Variants in STAT4 observed in about 807,000 individuals in gnomAD.
The protein encoded by STAT4 is signal transducer and activator of transcription 4.
STAT4 carries 42 observed loss-of-function variants against 110.5 expected under a neutral mutation model. That is an observed-to-expected ratio of 0.38 (90% confidence interval 0.30 to 0.49). STAT4 has a LOEUF of 0.49. Ranked by LOEUF, STAT4 falls within the 20% of genes least tolerant of loss-of-function variation. The probability of loss-of-function intolerance (pLI) is 0.95; values close to 1 mark genes in which losing one functional copy is unlikely to be tolerated. For missense variants in STAT4, 632 were observed against 887.9 expected, an observed-to-expected ratio of 0.71 and a Z score of 3.66; for synonymous variants, 284 against 302.2, an observed-to-expected ratio of 0.94 and a Z score of 0.63.
chr2:191,149,474 G>C (rs1229877085), intron 1 of STAT4, among the ~76,000 whole-genome samples: 4 of 152,140 alleles, frequency 2.6e-5, no homozygotes, highest in Non-Finnish European at 5.9e-5. Context: ...TAGGCATATT[G>C]TAAATGCTCA....
intron 1 of STAT4, among the ~76,000 whole-genome samples, chr2:191,148,455 C>T (rs955759366): frequency 3.3e-5 from 5 of 152,144 alleles, no homozygotes; most frequent in African/African-American, 4.8e-5. Flanking sequence ...AAAGTTTTCA[C>T]TCCCACTCTG....
chr2:191,088,088 T>G (rs1697685836), intron 3 of STAT4, among the ~76,000 whole-genome samples: 1 of 152,114 alleles, frequency 6.6e-6, no homozygotes, highest in South Asian at 2.1e-4. Context: ...TAGGGAAGGA[T>G]GTAATAAAAT....
Position 191,031,066 on chromosome 2 carries a change from G to T in STAT4, c.2126C>A (p.Thr709Lys), listed in dbSNP as rs746885035. 1 of 1,613,944 alleles carries T rather than the reference G, an allele frequency of 6.2e-7. No individual in the cohort carries two copies. Among genetic ancestry groups the T allele is most frequent in the East Asian group, 2.2e-5 (1 of 44,880 alleles). ...IPISTIRSDS[T>K]EPHSPSDLLP... ...AAGGTCTGATGGAGAATGTGGCTCT[G>T]TTGAATCACTTCGGCTTAAAGAGAT... Residue 709 changes from threonine to lysine, a missense_variant, in exon 23 of 24, where the codon ACA (threonine) becomes AAA (lysine). Transcript: ENST00000392320. This position sits in a 1 kb window ranked among gnomAD's most constrained non-coding sequence, Gnocchi z 4.8.
chr2:191,129,535 CAAG>C (rs1158180431), intron 3 of STAT4, among the ~76,000 whole-genome samples: 1 of 152,064 alleles, frequency 6.6e-6, no homozygotes, highest in Admixed American at 6.5e-5. Flanking sequence ...GCAAAAACTC[CAAG>C]AAGATTAGGA....
rs1018563986 is a variant in STAT4 at position 191,083,165 on chromosome 2, A to T, written c.274-6840T>A. Among the ~76,000 whole-genome samples the T allele has an allele frequency of 1.3e-5, 2 of 152,224 alleles. No individual in the cohort carries two copies. The highest frequency in any genetic ancestry group is 1.3e-4 in the Admixed American group (2 of 15,274). On this transcript the variant is annotated intron_variant, in intron 3 of 23. Transcript: ENST00000392320. The surrounding 1 kb of genome is among the most constrained non-coding windows in gnomAD (Gnocchi z 4.6). ...AAACTGACCTTGAGACAAGGATTCC[A>T]GTGCAAGTCGTTTAAGTGGGAGTTG...
chr2:191,103,204 C>G (rs971556818), intron 3 of STAT4, among the ~76,000 whole-genome samples: 6 of 152,096 alleles, frequency 3.9e-5, no homozygotes, highest in African/African-American at 1.2e-4. Context: ...GCTATGTTTG[C>G]CAGTCTCTTG....
intron 6 of STAT4, among the ~76,000 whole-genome samples, chr2:191,067,716 G>A (rs1306050626): frequency 6.6e-6 from 1 of 152,050 alleles, no homozygotes; most frequent in Non-Finnish European, 1.5e-5. Context: ...TAATTTGCAT[G>A]CCTTTTTCTC....
At chr2:191,055,178 T>C (rs1696645842) in intron 13 of STAT4, among the ~76,000 whole-genome samples, 1 of 151,912 alleles carries the variant, frequency 6.6e-6, no homozygotes, top group African/African-American at 2.4e-5. Flanking sequence ...GAATTATAGG[T>C]GACAATTTTT....
At chr2:191,103,379 T>C (rs1466578298) in intron 3 of STAT4, among the ~76,000 whole-genome samples, 1 of 152,166 alleles carries the variant, frequency 6.6e-6, no homozygotes, top group African/African-American at 2.4e-5. Flanking sequence ...TTTAATGCTG[T>C]GTGTGTTTGC....
At chr2:191,064,318 C>T (rs530198530) in intron 8 of STAT4, among the ~76,000 whole-genome samples, 14 of 152,260 alleles carry the variant, frequency 9.2e-5, no homozygotes, top group Admixed American at 4.6e-4. Flanking sequence ...TTCAAGTATA[C>T]AATAAATTGT....
chr2:191,062,649 T>G lies in STAT4; in HGVS notation c.941+113A>C. On this transcript the variant is annotated intron_variant, in intron 9 of 23. Transcript: ENST00000392320. The surrounding 1 kb of genome is among the most constrained non-coding windows in gnomAD (Gnocchi z 4.9). ...TTCTGGGGTTCTATTCACTTCTCCC[T>G]GAGGCTCGTTGTTGAATACTTCCCT... 9 of 1,169,582 alleles carry G rather than the reference T, an allele frequency of 7.7e-6. No individual in the cohort carries two copies. Among genetic ancestry groups the G allele is most frequent in the South Asian group, 1.4e-5 (1 of 71,910 alleles). The allele number at this position is 1,169,582 out of a possible 1,614,324, so 72.5% of individuals were successfully genotyped here.
chr2:191,035,247 T>A lies in STAT4; in HGVS notation c.1571-650A>T, dbSNP rs911755399. ...TAAAAGCTTTAGTCACTCTAACAAATGTTTATTGAATGCTATTGCTGCTTA... is the reference window on the plus strand; with the variant it reads ...TAAAAGCTTTAGTCACTCTAACAAAAGTTTATTGAATGCTATTGCTGCTTA... On this transcript the variant is annotated intron_variant, in intron 17 of 23. Coordinates refer to ENST00000392320, the MANE Select transcript of STAT4 (RefSeq NM_003151.4). The surrounding 1 kb of genome is among the most constrained non-coding windows in gnomAD (Gnocchi z 4.7). 2.0e-5 allele frequency among the ~76,000 whole-genome samples: 3 copies of A among 152,246 alleles called. No individual in the cohort carries two copies. The highest frequency in any genetic ancestry group is 4.4e-5 in the Non-Finnish European group (3 of 68,042).
Position 191,059,054 on chromosome 2 carries a change from G to GA in STAT4, c.1035-286dup, listed in dbSNP as rs373921127. 6.4e-3 allele frequency among the ~76,000 whole-genome samples: 933 copies of GA among 146,448 alleles called. 10 individuals carry two copies. Among genetic ancestry groups the GA allele is most frequent in the African/African-American group, 0.021 (857 of 40,050 alleles). ...GCTGGATAATACGTTGGCCAGGTCA[G>GA]AAAAAAAAAAGCTATATATTTTGGC... On this transcript the variant is annotated intron_variant, in intron 10 of 23. Transcript: ENST00000392320. This position sits in a 1 kb window ranked among gnomAD's most constrained non-coding sequence, Gnocchi z 4.7.
At chr2:191,129,031 A>G (rs943557361) in intron 3 of STAT4, among the ~76,000 whole-genome samples, 1 of 152,176 alleles carries the variant, frequency 6.6e-6, no homozygotes, top group African/African-American at 2.4e-5. Context: ...TGTGAGCTTC[A>G]TGACTTCCTC....
At chr2:191,071,395 T>G (rs187542513) in intron 5 of STAT4, among the ~76,000 whole-genome samples, 1 of 152,190 alleles carries the variant, frequency 6.6e-6, no homozygotes, top group Non-Finnish European at 1.5e-5. Flanking sequence ...GGAACCTACA[T>G]GCATGAGAAA....
intron 13 of STAT4, among the ~76,000 whole-genome samples, chr2:191,055,773 T>G (rs898732647): frequency 1.3e-5 from 2 of 152,254 alleles, no homozygotes; most frequent in Non-Finnish European, 2.9e-5. Context: ...TTTTGTTATT[T>G]TATATATTGT....
chr2:191,116,982 T>G lies in STAT4; in HGVS notation c.273+29631A>C, dbSNP rs1007115384. On this transcript the variant is annotated intron_variant, in intron 3 of 23. Transcript: ENST00000392320. This position sits in a 1 kb window ranked among gnomAD's most constrained non-coding sequence, Gnocchi z 4.1. ...AATATACGTGAGATCTCCATGTGAT[T>G]CTTTTTGCATTACTTTGAGCAGAGT... 7.9e-5 allele frequency among the ~76,000 whole-genome samples: 12 copies of G among 152,214 alleles called. No individual in the cohort carries two copies. Among genetic ancestry groups the G allele is most frequent in the African/African-American group, 2.7e-4 (11 of 41,448 alleles).
chr2:191,034,198 A>G (rs1182922250), intron 18 of STAT4, among the ~76,000 whole-genome samples, 193 bp from the exon 19 acceptor site: 6 of 152,230 alleles, frequency 3.9e-5, no homozygotes, highest in Middle Eastern at 6.8e-3. Flanking sequence ...CAAGGCGGGC[A>G]GATTATGAGG....
Position 191,058,634 on chromosome 2 carries a change from C to A in STAT4, c.1094+76G>T, listed in dbSNP as rs1279824463. 5.9e-6 allele frequency: 5 copies of A among 851,726 alleles called. No homozygotes were observed. Among genetic ancestry groups the A allele is most frequent in the Non-Finnish European group, 9.3e-6 (5 of 535,834 alleles). The allele number at this position is 851,726 out of a possible 1,614,324, so 52.8% of individuals were successfully genotyped here. On this transcript the variant is annotated intron_variant, in intron 11 of 23. Transcript: ENST00000392320. The surrounding 1 kb of genome is among the most constrained non-coding windows in gnomAD (Gnocchi z 4.3). ...GTAAATTTAAAAGTTCAAAATTATT[C>A]TATAAAATAAAGGCCATTCATTTTT...
Sources: allele counts gnomAD v4.1 joint callset (sites outside exome capture counted in the v4.1 genomes callset), GRCh38; gene constraint gnomAD v4.1.1; non-coding constraint Gnocchi (gnomAD v3.1); transcripts MANE v1.5; gene names NCBI Gene and HGNC (gene_info 2026-07-23, HGNC 2026-07-21).